The following TAFA2 variants were observed in gnomAD, a reference collection of about 807,000 sequenced individuals.
TAFA2 encodes TAFA chemokine like family member 2, also known as chemokine-like protein TAFA-2.
TAFA2 carries 7 observed loss-of-function variants against 18.8 expected under a neutral mutation model. The ratio of observed to expected loss-of-function variants is 0.37; its 90% confidence interval spans 0.21 to 0.70. The LOEUF (loss-of-function observed/expected upper bound fraction) is 0.70, where lower values mean the gene tolerates loss of function less well. Ranked by LOEUF, TAFA2 falls within the 30% of genes least tolerant of loss-of-function variation. TAFA2 has a pLI of 0.53. For synonymous variants in TAFA2, 60 were observed against 54.2 expected (o/e 1.11, Z -0.47); for missense variants, 122 against 158.1 (o/e 0.77, Z 1.23).
intron 1 of TAFA2, among the ~76,000 whole-genome samples, chr12:62,183,215 C>G (rs1290365990): frequency 6.6e-6 from 1 of 152,156 alleles, no homozygotes. Context: ...TTCCCCCACC[C>G]CACAACCACC....
intron 1 of TAFA2, among the ~76,000 whole-genome samples, chr12:61,932,322 A>G (rs987828216): frequency 1.3e-5 from 2 of 152,216 alleles, no homozygotes. Context: ...AGAAACTTTA[A>G]GGTAGTAACC....
intron 2 of TAFA2, among the ~76,000 whole-genome samples, chr12:61,777,287 T>A (rs757855305): frequency 6.6e-6 from 1 of 151,878 alleles, no homozygotes; most frequent in Non-Finnish European, 1.5e-5. Context: ...AGTTTCCTCA[T>A]CTGCAAATCA....
At chr12:61,753,544 T>G in intron 4 of TAFA2, 78 bp downstream of exon 4, 1 of 1,344,742 alleles carries the variant, frequency 7.4e-7, no homozygotes, top group South Asian at 1.5e-5. Flanking sequence ...CAATTGCCAC[T>G]TAAATTGGTT....
intron 2 of TAFA2, among the ~76,000 whole-genome samples, chr12:61,798,955 G>A (rs976457493): frequency 6.6e-5 from 10 of 152,146 alleles, no homozygotes; most frequent in Non-Finnish European, 1.5e-5. Context: ...TGGGCCAAGT[G>A]CCAATAGTTT....
At chr12:62,230,772 G>A (rs950191895) in intron 1 of TAFA2, among the ~76,000 whole-genome samples, 6 of 152,058 alleles carry the variant, frequency 3.9e-5, no homozygotes, top group Non-Finnish European at 7.4e-5. Flanking sequence ...CAACCTCTAG[G>A]GCTCACATGA....
At chr12:61,943,344 A>G (rs1419552899) in intron 1 of TAFA2, among the ~76,000 whole-genome samples, 21 of 150,458 alleles carry the variant, frequency 1.4e-4, no homozygotes, top group Admixed American at 2.7e-4. Flanking sequence ...AGCCGCTGCA[A>G]AATCATGCCA....
chr12:61,752,167 A>G (rs1198034734), intron 4 of TAFA2, among the ~76,000 whole-genome samples: 3 of 151,990 alleles, frequency 2.0e-5, no homozygotes, highest in Non-Finnish European at 4.4e-5. Context: ...TAATAACACT[A>G]TCTTCTCCAC....
intron 1 of TAFA2, among the ~76,000 whole-genome samples, chr12:61,971,151 T>C (rs2136664962): frequency 6.6e-6 from 1 of 151,696 alleles, no homozygotes; most frequent in Middle Eastern, 3.4e-3. Flanking sequence ...AATGCTCATT[T>C]GAAAATCACA....
At chr12:61,782,705 C>T (rs1870556944) in intron 2 of TAFA2, among the ~76,000 whole-genome samples, 1 of 151,692 alleles carries the variant, frequency 6.6e-6, no homozygotes, top group Middle Eastern at 3.4e-3. Context: ...ATTATAGGCC[C>T]CAAAAAATAA....
chr12:61,825,181 A>G (rs1348479069), intron 2 of TAFA2, among the ~76,000 whole-genome samples: 1 of 152,160 alleles, frequency 6.6e-6, no homozygotes, highest in East Asian at 1.9e-4. Context: ...AAAGTACAGA[A>G]CATAGTGTCA....
intron 2 of TAFA2, among the ~76,000 whole-genome samples, chr12:61,829,956 T>C (rs1872656889): frequency 6.6e-6 from 1 of 151,730 alleles, no homozygotes; most frequent in South Asian, 2.1e-4. Context: ...TGCAATAGCA[T>C]GTCTTCAAGA....
intron 1 of TAFA2, among the ~76,000 whole-genome samples, chr12:62,130,804 A>G (rs1329704259): frequency 1.3e-5 from 2 of 152,050 alleles, no homozygotes; most frequent in Non-Finnish European, 2.9e-5. Context: ...TGAGAGGGAC[A>G]TGCCTATTTT....
intron 1 of TAFA2, among the ~76,000 whole-genome samples, chr12:62,100,312 A>G (rs1869139183): frequency 6.6e-6 from 1 of 152,082 alleles, no homozygotes; most frequent in South Asian, 2.1e-4. Context: ...AGTCTTTGAA[A>G]CCACTATGTC....
At chr12:61,880,039 C>T (rs1179317263) in intron 1 of TAFA2, 3 of 711,170 alleles carry the variant, frequency 4.2e-6, no homozygotes, top group Non-Finnish European at 7.7e-6. Flanking sequence ...AGTCCCTGAT[C>T]TCGGACACGT....
At chr12:61,984,270 A>G (rs1879741427) in intron 1 of TAFA2, among the ~76,000 whole-genome samples, 1 of 152,226 alleles carries the variant, frequency 6.6e-6, no homozygotes, top group African/African-American at 2.4e-5. Flanking sequence ...TAGATGCTGA[A>G]GATCCAATAA....
chr12:62,220,897 A>G (rs1169027614), intron 1 of TAFA2, among the ~76,000 whole-genome samples: 1 of 152,066 alleles, frequency 6.6e-6, no homozygotes, highest in Non-Finnish European at 1.5e-5. Flanking sequence ...TCACGAGGTC[A>G]GGAGTCGAGA....
At chr12:61,806,803 G>A (rs991987561) in intron 2 of TAFA2, among the ~76,000 whole-genome samples, 8 of 152,310 alleles carry the variant, frequency 5.3e-5, no homozygotes, top group African/African-American at 1.9e-4. Context: ...GTGGCATTTT[G>A]CCCCTGCCCT....
intron 1 of TAFA2, among the ~76,000 whole-genome samples, chr12:61,969,141 C>T (rs1879162535): frequency 1.3e-5 from 2 of 151,698 alleles, no homozygotes; most frequent in African/African-American, 2.4e-5. Context: ...CATTGGAGCA[C>T]TCTAGTGTTT....
chr12:61,756,676 A>C lies in TAFA2; in HGVS notation c.107-1652T>G, dbSNP rs74095433. Among the ~76,000 whole-genome samples the C allele has an allele frequency of 4.3e-3, 647 of 152,188 alleles. 4 individuals are homozygous for C. The highest frequency in any genetic ancestry group is 0.015 in the African/African-American group (633 of 41,558). On this transcript the variant is annotated intron_variant, in intron 2 of 4. Transcript: ENST00000416284. Reference sequence around the variant, plus strand: ...ATAATTAAGGCAATGTTAGATTTTTAAGCTCCTTGAAGAAAATACAGTAGA... The same window carrying C: ...ATAATTAAGGCAATGTTAGATTTTTCAGCTCCTTGAAGAAAATACAGTAGA...
Sources: gnomAD v4.1 joint callset for allele counts (sites outside exome capture counted in the v4.1 genomes callset) on GRCh38, gnomAD v4.1.1 for gene constraint, MANE v1.5 for transcripts, NCBI Gene and HGNC (gene_info 2026-07-23, HGNC 2026-07-21) for gene names.